The following WDHD1 variants were observed in gnomAD, a reference collection of about 807,000 sequenced individuals.
WDHD1 encodes WD repeat and HMG-box DNA binding protein 1.
Under a neutral mutation model 135.4 loss-of-function variants are expected in WDHD1, and 111 were observed. That is an observed-to-expected ratio of 0.82 (90% CI 0.70 to 0.96). The LOEUF is 0.96. Ranked by LOEUF, WDHD1 falls within the 40% of genes least tolerant of loss-of-function variation. The pLI is 0.00. For missense variants in WDHD1, 1,351 were observed against 1,336.3 expected (o/e 1.01, Z -0.17); for synonymous variants, 434 against 439.0 (o/e 0.99, Z 0.14).
intron 10 of WDHD1, among the ~76,000 whole-genome samples, chr14:54,996,495 G>A (rs903747546): frequency 1.3e-5 from 2 of 152,102 alleles, no homozygotes; most frequent in African/African-American, 4.8e-5. Context: ...AGCTACCTGC[G>A]AGGCTGAGGT....
intron 18 of WDHD1, among the ~76,000 whole-genome samples, chr14:54,965,061 G>T (rs2041319311): frequency 6.6e-6 from 1 of 152,166 alleles, no homozygotes; most frequent in South Asian, 2.1e-4. Flanking sequence ...GTGGCAATTT[G>T]CTCTGTGGTC....
chr14:54,971,147 T>G (rs1237036908), intron 16 of WDHD1, among the ~76,000 whole-genome samples: 2 of 152,200 alleles, frequency 1.3e-5, no homozygotes, highest in Admixed American at 1.3e-4. Flanking sequence ...GAAGAAACCC[T>G]AGCAAATACC....
At chr14:54,961,527 C>T (rs773314133) in intron 21 of WDHD1, among the ~76,000 whole-genome samples, 26 of 152,202 alleles carry the variant, frequency 1.7e-4, no homozygotes, top group Middle Eastern at 3.4e-3. Flanking sequence ...GCTCCTGTTC[C>T]CATGCACCTT....
intron 16 of WDHD1, among the ~76,000 whole-genome samples, chr14:54,973,430 T>G (rs1317178064): frequency 1.3e-5 from 2 of 152,192 alleles, no homozygotes. Context: ...TTTTTCTGAC[T>G]ATACAATAAA....
chr14:54,961,458 A>AC (rs1485034897), intron 21 of WDHD1, among the ~76,000 whole-genome samples: 1 of 151,830 alleles, frequency 6.6e-6, no homozygotes, highest in Non-Finnish European at 1.5e-5. Context: ...TTTTCACACC[A>AC]CCCTTTTGCA....
intron 21 of WDHD1, among the ~76,000 whole-genome samples, chr14:54,961,007 G>T (rs1410718392): frequency 3.9e-5 from 6 of 152,030 alleles, no homozygotes; most frequent in Admixed American, 6.6e-5. Context: ...GGGTTTCATT[G>T]TTTCCAAGGC....
At chr14:54,993,969 T>C (rs1595102518) in intron 11 of WDHD1, among the ~76,000 whole-genome samples, 2 of 152,248 alleles carry the variant, frequency 1.3e-5, no homozygotes, top group East Asian at 3.8e-4. Flanking sequence ...TGCTGTTCTA[T>C]AAACTCTATA....
At chr14:55,008,566 A>C in intron 5 of WDHD1, 42 bp downstream of exon 5, 3 of 1,538,694 alleles carry the variant, frequency 1.9e-6, no homozygotes, top group Non-Finnish European at 2.6e-6. Context: ...ATTTTTAAAC[A>C]TATTCAGGAA....
At chr14:55,006,523 T>C (rs2042072561) in intron 7 of WDHD1, among the ~76,000 whole-genome samples, 1 of 152,202 alleles carries the variant, frequency 6.6e-6, no homozygotes, top group East Asian at 1.9e-4. Flanking sequence ...GTAGTAATGA[T>C]TTTCTTCCCC....
chr14:55,022,392 T>G (rs1214211710), intron 2 of WDHD1, among the ~76,000 whole-genome samples: 1 of 152,194 alleles, frequency 6.6e-6, no homozygotes, highest in South Asian at 2.1e-4. Flanking sequence ...TAAATCTTAG[T>G]GCTCACTTTC....
chr14:55,013,871 C>T (rs892177066), intron 2 of WDHD1, among the ~76,000 whole-genome samples: 4 of 152,042 alleles, frequency 2.6e-5, no homozygotes, highest in Non-Finnish European at 4.4e-5. Context: ...GGCACCACTG[C>T]ACTCCAGCCT....
At chr14:54,968,503 C>G (rs1285719414) in intron 16 of WDHD1, among the ~76,000 whole-genome samples, 1 of 151,854 alleles carries the variant, frequency 6.6e-6, no homozygotes, top group African/African-American at 2.4e-5. Flanking sequence ...AAAGAAATAA[C>G]TAAAATAACA....
intron 21 of WDHD1, among the ~76,000 whole-genome samples, chr14:54,959,441 GAGGCAGGC>G (rs560707275): frequency 1.4e-4 from 21 of 145,844 alleles, no homozygotes; most frequent in East Asian, 2.1e-4. Context: ...GGGAGGGAGG[GAGGCAGGC>G]AGGCAGGCAG....
chr14:54,960,609 C>T (rs1421375411), intron 21 of WDHD1, among the ~76,000 whole-genome samples: 1 of 151,988 alleles, frequency 6.6e-6, no homozygotes, highest in East Asian at 1.9e-4. Context: ...AAGCAATTCT[C>T]CTGCCTCAGC....
chr14:54,957,319 A>G, intron 22 of WDHD1, 115 bp from the exon 23 acceptor site: 1 of 1,137,238 alleles, frequency 8.8e-7, no homozygotes, highest in Non-Finnish European at 1.2e-6. Context: ...CATCTTTAGA[A>G]CTAAATACAT....
chr14:54,969,224 G>C, intron 16 of WDHD1, among the ~76,000 whole-genome samples: 1 of 151,704 alleles, frequency 6.6e-6, no homozygotes, highest in Non-Finnish European at 1.5e-5. Context: ...ATTTTTAGTA[G>C]AGACGGGGTT....
chr14:54,977,064 T>C (rs2041536754), intron 16 of WDHD1, among the ~76,000 whole-genome samples: 1 of 152,024 alleles, frequency 6.6e-6, no homozygotes, highest in East Asian at 1.9e-4. Context: ...TGTTCCTATA[T>C]TTTAATACAA....
chr14:54,990,200 T>G (rs1027361260), intron 12 of WDHD1, among the ~76,000 whole-genome samples: 1 of 152,212 alleles, frequency 6.6e-6, no homozygotes, highest in Non-Finnish European at 1.5e-5. Context: ...TAAAAATTTA[T>G]GCCAGGCCTA....
intron 16 of WDHD1, 113 bp from the exon 17 acceptor site, chr14:54,967,507 G>T (rs2041364415): frequency 4.7e-6 from 3 of 635,080 alleles, no homozygotes; most frequent in Non-Finnish European, 8.0e-6. Flanking sequence ...TATAATAGCT[G>T]CCTTAATCAT....
Sources: allele counts gnomAD v4.1 joint callset (sites outside exome capture counted in the v4.1 genomes callset), GRCh38; gene constraint gnomAD v4.1.1; transcripts MANE v1.5; gene names NCBI Gene and HGNC (gene_info 2026-07-23, HGNC 2026-07-21).